SLC24A3: variants seen among roughly 807,000 people sequenced by gnomAD.
SLC24A3 encodes solute carrier family 24 member 3.
A neutral mutation model predicts 75.8 loss-of-function variants in SLC24A3; 28 were observed. The observed-to-expected ratio is 0.37, with a 90% confidence interval of 0.27 to 0.51. The LOEUF (loss-of-function observed/expected upper bound fraction) is 0.51. Among genes scored for constraint, SLC24A3 ranks in the 20% least tolerant of loss-of-function variants. The pLI is 0.94. For missense variants in SLC24A3, 663 were observed against 847.8 expected, an observed-to-expected ratio of 0.78 and a Z score of 2.71; for synonymous variants, 372 against 334.1, an observed-to-expected ratio of 1.11 and a Z score of -1.24.
chr20:19,512,040 AT>A (rs1193503272), intron 2 of SLC24A3, among the ~76,000 whole-genome samples: 1 of 152,206 alleles, frequency 6.6e-6, no homozygotes, highest in East Asian at 1.9e-4. Flanking sequence ...TGGCCGCTCC[AT>A]TCACAAGCTG....
chr20:19,449,967 T>C (rs570629405), intron 2 of SLC24A3, among the ~76,000 whole-genome samples: 1 of 152,308 alleles, frequency 6.6e-6, no homozygotes, highest in Non-Finnish European at 1.5e-5. Context: ...CATTCAGTAT[T>C]CTCATTTTTT....
intron 1 of SLC24A3, among the ~76,000 whole-genome samples, chr20:19,275,917 A>T (rs1600406267): frequency 6.6e-6 from 1 of 150,970 alleles, no homozygotes; most frequent in Non-Finnish European, 1.5e-5. Context: ...TTCATCCCCT[A>T]CCCCTCCCCT....
At chr20:19,443,509 G>A (rs147557967) in intron 2 of SLC24A3, among the ~76,000 whole-genome samples, 2 of 152,022 alleles carry the variant, frequency 1.3e-5, no homozygotes, top group Admixed American at 6.6e-5. Context: ...ATTGACTTTT[G>A]TAAATTAACC....
chr20:19,718,918 A>C (rs1056221341), intron 16 of SLC24A3, among the ~76,000 whole-genome samples: 5 of 152,224 alleles, frequency 3.3e-5, no homozygotes, highest in Non-Finnish European at 7.3e-5. Flanking sequence ...GAGTGTACAC[A>C]AAAGAGAGAA....
At chr20:19,367,591 T>G (rs184232186) in intron 2 of SLC24A3, among the ~76,000 whole-genome samples, 2 of 152,126 alleles carry the variant, frequency 1.3e-5, no homozygotes, top group African/African-American at 4.8e-5. Context: ...GTTGTCTAAT[T>G]AGATGCCCAG....
At chr20:19,446,052 C>G (rs4814855) in intron 2 of SLC24A3, among the ~76,000 whole-genome samples, 81,398 of 151,986 alleles carry the variant, frequency 0.54, 23,945 homozygotes, top group East Asian at 0.93. Flanking sequence ...GGGGTTCACT[C>G]CTTACCAGTG....
Position 19,405,378 on chromosome 20 carries a change from A to T in SLC24A3, c.272-110110A>T, listed in dbSNP as rs138795274. Among the ~76,000 whole-genome samples, 264 of 152,350 alleles carry T rather than the reference A, an allele frequency of 1.7e-3. 1 individual carries two copies. Among genetic ancestry groups the T allele is most frequent in the African/African-American group, 6.1e-3 (253 of 41,576 alleles). On this transcript the variant is annotated intron_variant, in intron 2 of 16. Transcript: ENST00000328041. ...AAGTCTGTCTTCCCGTTTTTTCTGG[A>T]AAGTAAAAGTTACTGTTAGGAAAAA...
intron 3 of SLC24A3, among the ~76,000 whole-genome samples, chr20:19,530,275 T>A (rs1600268164): frequency 2.0e-5 from 3 of 152,164 alleles, no homozygotes; most frequent in African/African-American, 7.2e-5. Flanking sequence ...TAACATGACA[T>A]AGATAAACCG....
chr20:19,304,298 C>T (rs191488245), intron 2 of SLC24A3, among the ~76,000 whole-genome samples: 429 of 152,338 alleles, frequency 2.8e-3, no homozygotes, highest in African/African-American at 9.8e-3. Context: ...CCACCTGGCT[C>T]TGTTCCTTGC....
chr20:19,269,555 G>A (rs576836444), intron 1 of SLC24A3, among the ~76,000 whole-genome samples: 1 of 152,342 alleles, frequency 6.6e-6, no homozygotes, highest in Non-Finnish European at 1.5e-5. Flanking sequence ...TGCACCTGTT[G>A]CCATCTGCCC....
intron 6 of SLC24A3, among the ~76,000 whole-genome samples, chr20:19,602,745 G>A (rs2031543262): frequency 6.6e-6 from 1 of 152,160 alleles, no homozygotes; most frequent in Non-Finnish European, 1.5e-5. Flanking sequence ...TGAAATCCCT[G>A]CTTATGGCTC....
Position 19,693,247 on chromosome 20 carries a change from T to A in SLC24A3, c.1325-12T>A, listed in dbSNP as rs2032767095. On this transcript the variant is annotated splice_polypyrimidine_tract_variant and intron_variant, in intron 12 of 16. Coordinates refer to ENST00000328041, the MANE Select transcript of SLC24A3 (RefSeq NM_020689.4). The stretch of plus-strand genomic sequence containing the variant: ...TTTTTTTATTTCTTTTTGGCCTTTT[T>A]CATTTTTCCAGCGGGTAAACTGGAA... The A allele has an allele frequency of 6.3e-7, 1 of 1,592,414 alleles. No individual in the cohort carries two copies. Among genetic ancestry groups the A allele is most frequent in the African/African-American group, 1.4e-5 (1 of 73,246 alleles).
chr20:19,599,247 G>A (rs568461719), intron 6 of SLC24A3, among the ~76,000 whole-genome samples: 1 of 152,326 alleles, frequency 6.6e-6, no homozygotes, highest in East Asian at 1.9e-4. Flanking sequence ...TGAGTCAGTG[G>A]AGCAAAACAG....
chr20:19,412,241 C>T (rs1250270720), intron 2 of SLC24A3, among the ~76,000 whole-genome samples: 1 of 152,080 alleles, frequency 6.6e-6, no homozygotes, highest in Admixed American at 6.6e-5. Context: ...ATTATTCAGG[C>T]AGGAGTGACC....
At chr20:19,241,950 A>G (rs1035733198) in intron 1 of SLC24A3, among the ~76,000 whole-genome samples, 5 of 152,324 alleles carry the variant, frequency 3.3e-5, no homozygotes, top group South Asian at 4.1e-4. Flanking sequence ...ACTTGATCAC[A>G]TCGGGCAGCG....
chr20:19,347,761 G>C (rs1248540300), intron 2 of SLC24A3, among the ~76,000 whole-genome samples: 1 of 152,144 alleles, frequency 6.6e-6, no homozygotes, highest in African/African-American at 2.4e-5. Flanking sequence ...CACAGTTCAG[G>C]GGCTGGTCAC....
At chr20:19,597,438 C>T (rs550368441) in intron 6 of SLC24A3, among the ~76,000 whole-genome samples, 3 of 152,142 alleles carry the variant, frequency 2.0e-5, no homozygotes, top group South Asian at 2.1e-4. Context: ...TTAGAAAACA[C>T]GTATGGGATA....
At chr20:19,660,962 C>G (rs2032319987) in intron 7 of SLC24A3, among the ~76,000 whole-genome samples, 1 of 152,094 alleles carries the variant, frequency 6.6e-6, no homozygotes, top group Non-Finnish European at 1.5e-5. Context: ...AAGGAAAGTC[C>G]TGCTTTAATG....
chr20:19,684,903 A>G (rs528367901), intron 11 of SLC24A3, among the ~76,000 whole-genome samples, 197 bp from the exon 12 acceptor site: 5 of 152,320 alleles, frequency 3.3e-5, no homozygotes, highest in Admixed American at 1.3e-4. Flanking sequence ...GATGGGTCAT[A>G]AAAGACTAAT....
Sources: allele counts gnomAD v4.1 joint callset (sites outside exome capture counted in the v4.1 genomes callset), GRCh38; gene constraint gnomAD v4.1.1; transcripts MANE v1.5; gene names NCBI Gene and HGNC (gene_info 2026-07-23, HGNC 2026-07-21).